The following PFKL variants were observed in gnomAD, a reference collection of about 807,000 sequenced individuals.
PFKL encodes the protein ATP-dependent 6-phosphofructokinase, liver type.
PFKL carries 74 observed loss-of-function variants against 92.1 expected under a neutral mutation model. The observed-to-expected ratio is 0.80, with a 90% CI of 0.67 to 0.97. PFKL has a LOEUF of 0.97. PFKL is among the 50% of genes least tolerant of loss of function. The pLI is 0.00. For synonymous variants in PFKL, 494 were observed against 456.4 expected (o/e 1.08, Z -1.05); for missense variants, 1,028 against 1,116.6 (o/e 0.92, Z 1.13).
chr21:44,318,331 C>T (rs1196435783), intron 9 of PFKL, 139 bp from the exon 10 acceptor site: 1 of 903,594 alleles, frequency 1.1e-6, no homozygotes, highest in Non-Finnish European at 1.5e-6. Context: ...ACGTTTCCAT[C>T]TCTGATGCCA....
intron 13 of PFKL, 73 bp downstream of exon 13, chr21:44,321,948 G>A (rs1384323445): frequency 6.7e-7 from 1 of 1,503,588 alleles, no homozygotes; most frequent in Non-Finnish European, 8.9e-7. Context: ...TCCTGTGGAA[G>A]GCCGGCTGCT....
chr21:44,304,237 G>A lies in PFKL; in HGVS notation c.86-2444G>A. ...ACATTTGGAAGTGAGGGGTACCCTT[G>A]CTGACCCCTGATCCTGGGGCCCCTT... On this transcript the variant is annotated intron_variant, in intron 1 of 21. Coordinates refer to ENST00000349048, the MANE Select transcript of PFKL (RefSeq NM_002626.6). 2.3e-6 allele frequency: 3 copies of A among 1,289,048 alleles called. No homozygotes were observed. The South Asian group carries it at 3.7e-5, about 16-fold the overall frequency. The allele number at this position is 1,289,048 out of a possible 1,614,324, so 79.9% of individuals were successfully genotyped here. A position where few individuals can be genotyped will look rare whatever the true frequency, so the allele number is the denominator to read the frequency against.
chr21:44,322,137 A>T lies in PFKL; in HGVS notation c.1343A>T (p.Gln448Leu). The change falls in exon 14 of 22, where the codon CAA (glutamine) becomes CTA (leucine). Residue 448 changes from glutamine to leucine, a missense_variant. Transcript: ENST00000349048. ...AGCTGCATCTCCTCCTGGCAGGTGCAAGAAGTAGGCTGGCACGACGTGGCC... is the reference window on the plus strand; with the variant it reads ...AGCTGCATCTCCTCCTGGCAGGTGCTAGAAGTAGGCTGGCACGACGTGGCC... Reference protein sequence around the residue: ...GFEGLAKGQVQEVGWHDVAGW... With the variant: ...GFEGLAKGQVLEVGWHDVAGW... The T allele has an allele frequency of 6.2e-7, 1 of 1,605,640 alleles. No homozygotes were observed. Among genetic ancestry groups the T allele is most frequent in the Non-Finnish European group, 8.5e-7 (1 of 1,177,608 alleles).
Position 44,311,187 on chromosome 21 carries a change from C to T in PFKL, c.237+104C>T. On this transcript the variant is annotated intron_variant, in intron 3 of 21. Coordinates refer to ENST00000349048, the MANE Select transcript of PFKL (RefSeq NM_002626.6). ...ACACACACAGAGACAGACACGTGCA[C>T]AAACACACACATGCAGACACACAGA... The T allele has an allele frequency of 3.8e-6, 3 of 789,518 alleles. No homozygotes were observed. In the South Asian group the frequency reaches 5.0e-5, roughly 13 times the overall value. The allele number at this position is 789,518 out of a possible 1,614,324, so 48.9% of individuals were successfully genotyped here.
At chr21:44,311,955 C>T (rs1216295985) in intron 3 of PFKL, 150 bp from the exon 4 acceptor site, 7 of 559,364 alleles carry the variant, frequency 1.3e-5, no homozygotes, top group Non-Finnish European at 2.1e-5. Context: ...GTAGGGCCAC[C>T]TCAGGTTTCC....
chr21:44,306,728 G>A lies in PFKL; in HGVS notation c.133G>A (p.Gly45Ser), dbSNP rs752452578. The A allele has an allele frequency of 3.7e-6, 6 of 1,613,966 alleles. No individual in the cohort carries two copies. In the East Asian group the frequency reaches 1.1e-4, roughly 30 times the overall value. ...RAVTRMGIYV[G>S]AKVFLIYEGY... ...TGTGACGCGCATGGGCATTTATGTG[G>A]GTGCCAAAGTCTTCCTCATCTACGA... The change falls in exon 2 of 22, where the codon GGT becomes AGT. Residue 45 changes from glycine to serine, a missense_variant. By Grantham distance (56) the Gly-to-Ser change is moderately conservative. Coordinates refer to ENST00000349048, the MANE Select transcript of PFKL (RefSeq NM_002626.6).
At chr21:44,323,671 C>T in intron 15 of PFKL, 95 bp from the exon 16 acceptor site, 5 of 1,335,988 alleles carry the variant, frequency 3.7e-6, no homozygotes, top group Non-Finnish European at 4.1e-6. Flanking sequence ...GACAGGTCAG[C>T]AGGGAGCAGG....
chr21:44,312,531 G>A (rs901656219), intron 4 of PFKL, among the ~76,000 whole-genome samples: 1 of 152,212 alleles, frequency 6.6e-6, no homozygotes, highest in African/African-American at 2.4e-5. Context: ...GCATGGGGCT[G>A]GTGGAGGCCG....
Position 44,313,979 on chromosome 21 carries a change from C to G in PFKL, c.705C>G (p.Pro235=). The change falls in exon 7 of 22, where the codon CCC becomes CCG. Residue 235 remains proline (P), a synonymous_variant. Transcript: ENST00000349048. ...ADWLFIPEAP[P]EDGWENFMCE... is the part of the protein sequence containing the mutation. Reference sequence around the variant, plus strand: ...GGCTGTTCATCCCCGAGGCTCCACCCGAGGACGGCTGGGAGAACTTCATGT... The same window carrying G: ...GGCTGTTCATCCCCGAGGCTCCACCGGAGGACGGCTGGGAGAACTTCATGT... 6.2e-7 allele frequency: 1 copy of G among 1,608,350 alleles called. No homozygotes were observed.
chr21:44,324,708 G>T (rs2047451115), intron 17 of PFKL, 53 bp downstream of exon 17: 2 of 1,562,790 alleles, frequency 1.3e-6, no homozygotes, highest in African/African-American at 2.7e-5. Context: ...GCCAGCCTGG[G>T]CCCCAGACAC....
chr21:44,327,191 G>C lies in PFKL; in HGVS notation c.*329G>C. On this transcript the variant is annotated 3_prime_UTR_variant, in exon 22 of 22. Coordinates refer to ENST00000349048, the MANE Select transcript of PFKL (RefSeq NM_002626.6). The stretch of plus-strand genomic sequence containing the variant: ...GGGCCCTCAGCGTCTCCCCATGCTG[G>C]GCTCACTACATGGGCCAGCCCTTGC... The C allele has an allele frequency of 2.5e-6, 1 of 398,590 alleles. No individual in the cohort carries two copies. The highest frequency in any genetic ancestry group is 4.7e-6 in the Non-Finnish European group (1 of 211,766). The allele number at this position is 398,590 out of a possible 1,614,324, so 24.7% of individuals were successfully genotyped here.
At chr21:44,305,939 AG>A (rs1212316105) in intron 1 of PFKL, 41 of 1,356,744 alleles carry the variant, frequency 3.0e-5, no homozygotes, top group Non-Finnish European at 3.9e-5. Flanking sequence ...CTGGGGGGTG[AG>A]GGTCCCTGAG....
At chr21:44,305,993 G>A (rs908402890) in intron 1 of PFKL, 51 of 1,210,412 alleles carry the variant, frequency 4.2e-5, no homozygotes, top group East Asian at 1.3e-4. Context: ...GGCTGAGGCC[G>A]GAGGGGCTCT....
rs144484471 is a variant in PFKL, at chr21:44,323,004, C to T, written c.1452C>T (p.Ile484=). 3.1e-6 allele frequency: 5 copies of T among 1,612,996 alleles called. No individual in the cohort carries two copies. In the East Asian group the frequency reaches 8.9e-5, roughly 29 times the overall value. ...KGQLESIVEN[I]RIYGIHALLV... ...AGCTGGAGTCCATTGTGGAGAACATCCGCATCTATGGTATTCACGCCCTGC... is the reference window on the plus strand; with the variant it reads ...AGCTGGAGTCCATTGTGGAGAACATTCGCATCTATGGTATTCACGCCCTGC... The change falls in exon 15 of 22, where the codon ATC becomes ATT. Residue 484 remains isoleucine (I), a synonymous_variant. Coordinates refer to ENST00000349048, the MANE Select transcript of PFKL (RefSeq NM_002626.6).
At chr21:44,317,078 C>G (rs1327256456) in intron 9 of PFKL, among the ~76,000 whole-genome samples, 2 of 152,194 alleles carry the variant, frequency 1.3e-5, no homozygotes, top group African/African-American at 2.4e-5. Flanking sequence ...CGTCCTTGGT[C>G]CTGATCACCG....
chr21:44,321,508 G>T, intron 12 of PFKL: 3 of 407,228 alleles, frequency 7.4e-6, no homozygotes, highest in African/African-American at 2.1e-5. Flanking sequence ...GTGCCAGGGG[G>T]CCAGGCTTGC....
chr21:44,321,752 G>C lies in PFKL; in HGVS notation c.1215G>C (p.Leu405=). The change falls in exon 13 of 22, where the codon CTG becomes CTC. Residue 405 remains leucine, a synonymous_variant. Coordinates refer to ENST00000349048, the MANE Select transcript of PFKL (RefSeq NM_002626.6). ...KEKSNFSLAI[L]NVGAPAAGMN... ...AGTCTAACTTCTCCCTGGCCATCCT[G>C]AATGTGGGGGCCCCGGCGGCTGGCA... 4 of 1,587,816 alleles carry C rather than the reference G, an allele frequency of 2.5e-6. No homozygotes were observed. The highest frequency in any genetic ancestry group is 3.4e-6 in the Non-Finnish European group (4 of 1,168,284).
chr21:44,312,187 A>G lies in PFKL; in HGVS notation c.320A>G (p.Gln107Arg), dbSNP rs763145940. 1 of 1,605,654 alleles carries G rather than the reference A, an allele frequency of 6.2e-7. No individual in the cohort carries two copies. The highest frequency in any genetic ancestry group is 8.5e-7 in the Non-Finnish European group (1 of 1,176,832). Residue 107 changes from glutamine to arginine, a missense_variant, in exon 4 of 22, where the codon CAG (glutamine) becomes CGG (arginine). Gln to Arg is a conservative substitution (Grantham distance 43). Transcript: ENST00000349048. Reference protein sequence around the residue: ...GRRAAAYNLVQHGITNLCVIG... With the variant: ...GRRAAAYNLVRHGITNLCVIG... Reference sequence around the variant, plus strand: ...CGGGCAGCGGCCTACAACCTGGTCCAGCACGGCATCACCAACCTGTGCGTC... The same window carrying G: ...CGGGCAGCGGCCTACAACCTGGTCCGGCACGGCATCACCAACCTGTGCGTC...
At chr21:44,325,098 T>TG (rs1184860301) in intron 18 of PFKL, 55 bp from the exon 19 acceptor site, 30 of 1,339,984 alleles carry the variant, frequency 2.2e-5, no homozygotes, top group African/African-American at 1.4e-5. Flanking sequence ...GGACTCAGGA[T>TG]CGGGGGGAGA....
Sources: allele counts gnomAD v4.1 joint callset (sites outside exome capture counted in the v4.1 genomes callset), GRCh38; gene constraint gnomAD v4.1.1; transcripts MANE v1.5; gene names NCBI Gene and HGNC (gene_info 2026-07-23, HGNC 2026-07-21).